The following SAFB variants were observed in gnomAD, a reference collection of about 807,000 sequenced individuals.
SAFB encodes the protein scaffold attachment factor B, also known as scaffold attachment factor B1.
Under a neutral mutation model 101.6 loss-of-function variants are expected in SAFB, and 15 were observed. The observed-to-expected ratio is 0.15, with a 90% CI of 0.10 to 0.23. The LOEUF is 0.23. Among genes scored for constraint, SAFB ranks in the 10% least tolerant of loss-of-function variants. The pLI, the probability that SAFB is intolerant of heterozygous loss-of-function variation, is 1.00. For synonymous variants in SAFB, 449 were observed against 407.5 expected, an observed-to-expected ratio of 1.10 and a Z score of -1.23; for missense variants, 930 against 1,104.1, an observed-to-expected ratio of 0.84 and a Z score of 2.23.
intron 1 of SAFB, among the ~76,000 whole-genome samples, chr19:5,624,638 A>T (rs1216219981): frequency 6.6e-6 from 1 of 150,762 alleles, no homozygotes; most frequent in East Asian, 2.0e-4. Context: ...CTCCGGAACT[A>T]CGGAGATCAC....
intron 2 of SAFB, among the ~76,000 whole-genome samples, chr19:5,639,924 AC>A: frequency 6.6e-6 from 1 of 151,416 alleles, no homozygotes; most frequent in Non-Finnish European, 1.5e-5. Context: ...CGCAACCTCC[AC>A]CCCCTGGGTT....
intron 14 of SAFB, among the ~76,000 whole-genome samples, chr19:5,660,704 CAA>C (rs60011056): frequency 0.51 from 38,468 of 75,502 alleles, 7,960 homozygotes; most frequent in Middle Eastern, 0.63. Flanking sequence ...CCATCTCTAC[CAA>C]AAAAAAAAAA....
Position 5,623,412 on chromosome 19 carries a change from AG to A in SAFB, c.189+21del, listed in dbSNP as rs1312708096. ...TGAAGAAGGTGGATTTGGGGCCCCG[AG>A]GGCGGGCACAGGGTGGGTCTGGGGT... is the stretch of plus-strand genomic sequence containing the variant. On this transcript the variant is annotated intron_variant, in intron 1 of 20. Coordinates refer to ENST00000588852, the MANE Select transcript of SAFB (RefSeq NM_001201338.2). 1.2e-6 allele frequency: 2 copies of A among 1,609,088 alleles called. No individual in the cohort carries two copies. The highest frequency in any genetic ancestry group is 1.7e-6 in the Non-Finnish European group (2 of 1,176,160).
At position 5,667,280 on chromosome 19, in the gene SAFB, C is replaced by T. The variant is rs559346961; in HGVS notation, c.2454-67C>T. ...ACAGAGGGATTCACTCTCCAGAAGC[C>T]GCCACAGTTATTAGCACAAGAGCCA... On this transcript the variant is annotated intron_variant, in intron 18 of 20. Coordinates refer to ENST00000588852, the MANE Select transcript of SAFB (RefSeq NM_001201338.2). The surrounding 1 kb of genome is among the most constrained non-coding windows in gnomAD (Gnocchi z 4.0). 633 of 1,332,520 alleles carry T rather than the reference C, an allele frequency of 4.8e-4. 5 individuals are homozygous for T. Among genetic ancestry groups the T allele is most frequent in the South Asian group, 2.6e-3 (177 of 67,150 alleles). The allele number at this position is 1,332,520 out of a possible 1,614,324, so 82.5% of individuals were successfully genotyped here.
intron 7 of SAFB, 92 bp from the exon 8 acceptor site, chr19:5,649,834 G>T (rs1270790052): frequency 1.8e-6 from 2 of 1,129,928 alleles, no homozygotes; most frequent in Non-Finnish European, 1.3e-6. Flanking sequence ...TAAATTTCGG[G>T]TAGGTATGCA....
chr19:5,636,964 C>T (rs906572130), intron 2 of SAFB, among the ~76,000 whole-genome samples: 2 of 151,746 alleles, frequency 1.3e-5, no homozygotes, highest in Admixed American at 6.6e-5. Context: ...CCACCTCGGC[C>T]TCCCAAAGTG....
chr19:5,634,165 A>G (rs2053548194), intron 2 of SAFB, among the ~76,000 whole-genome samples: 2 of 152,126 alleles, frequency 1.3e-5, no homozygotes, highest in African/African-American at 4.8e-5. Flanking sequence ...CTAATTAGAG[A>G]AAAATTTCCT....
Position 5,653,253 on chromosome 19 carries a change from T to A in SAFB, c.1432T>A (p.Ser478Thr). Residue 478 changes from serine (S) to threonine (T), a missense_variant, in exon 10 of 21, where the codon TCC (serine) becomes ACC (threonine). Transcript: ENST00000588852. ...GACGGAGCTCCACGGAAAGATGATC[T>A]CCGTGGAGAAAGTGAGTGGCCGTTT... ...HKTELHGKMI[S>T]VEKAKNEPVG... 1 of 1,614,096 alleles carries A rather than the reference T, an allele frequency of 6.2e-7. No homozygotes were observed.
intron 2 of SAFB, among the ~76,000 whole-genome samples, chr19:5,628,983 G>A (rs553716435): frequency 6.6e-6 from 1 of 152,148 alleles, no homozygotes; most frequent in African/African-American, 2.4e-5. Flanking sequence ...CTCAGATGGA[G>A]GGTAGTCGCG....
At chr19:5,625,866 C>T (rs1461440296) in intron 1 of SAFB, among the ~76,000 whole-genome samples, 1 of 152,118 alleles carries the variant, frequency 6.6e-6, no homozygotes, top group Non-Finnish European at 1.5e-5. Flanking sequence ...TGACGGGTCT[C>T]GTGCGTAACA....
At chr19:5,646,176 T>C (rs964540870) in intron 5 of SAFB, among the ~76,000 whole-genome samples, 3 of 152,192 alleles carry the variant, frequency 2.0e-5, no homozygotes, top group African/African-American at 7.2e-5. Context: ...CCTTTTTATT[T>C]ATTTATTTTT....
chr19:5,629,314 C>T (rs2053437961), intron 2 of SAFB, among the ~76,000 whole-genome samples: 1 of 151,976 alleles, frequency 6.6e-6, no homozygotes, highest in African/African-American at 2.4e-5. Flanking sequence ...ACCTGTAGTC[C>T]CAGCTACTAG....
chr19:5,659,016 G>A (rs557913306), intron 14 of SAFB, among the ~76,000 whole-genome samples: 6 of 152,018 alleles, frequency 3.9e-5, no homozygotes, highest in African/African-American at 1.4e-4. Flanking sequence ...ATGGTGGTGC[G>A]TGCCTGTAAT....
chr19:5,646,660 A>G (rs2053833959), intron 5 of SAFB, among the ~76,000 whole-genome samples: 1 of 152,224 alleles, frequency 6.6e-6, no homozygotes, highest in Non-Finnish European at 1.5e-5. Context: ...AAGCATGAGG[A>G]AAGTGTACAG....
chr19:5,664,625 G>A, intron 17 of SAFB, 186 bp downstream of exon 17: 1 of 574,840 alleles, frequency 1.7e-6, no homozygotes, highest in South Asian at 1.9e-5. Context: ...AGTCTTGGCT[G>A]TCAGTCCAAA....
chr19:5,659,628 G>T (rs970287721), intron 14 of SAFB, among the ~76,000 whole-genome samples: 1 of 151,432 alleles, frequency 6.6e-6, no homozygotes, highest in Admixed American at 6.6e-5. Context: ...TGATCCACCC[G>T]CATCGGCCTC....
intron 5 of SAFB, 54 bp downstream of exon 5, chr19:5,645,453 C>A: frequency 1.2e-6 from 1 of 854,008 alleles, no homozygotes; most frequent in Non-Finnish European, 2.0e-6. Flanking sequence ...ACCACAATTT[C>A]TGGAATCCAT....
At chr19:5,628,879 G>A (rs1230240399) in intron 2 of SAFB, among the ~76,000 whole-genome samples, 2 of 152,028 alleles carry the variant, frequency 1.3e-5, no homozygotes, top group Non-Finnish European at 2.9e-5. Context: ...CTCCTTTTTT[G>A]TTTTCCTTTT....
At chr19:5,638,836 C>T (rs1188153454) in intron 2 of SAFB, among the ~76,000 whole-genome samples, 2 of 151,592 alleles carry the variant, frequency 1.3e-5, no homozygotes, top group Non-Finnish European at 2.9e-5. Flanking sequence ...ATTCTCCTGC[C>T]TCATCCTCCC....
Sources: gnomAD v4.1 joint callset for allele counts (sites outside exome capture counted in the v4.1 genomes callset) on GRCh38, gnomAD v4.1.1 for gene constraint, Gnocchi (gnomAD v3.1) non-coding constraint, MANE v1.5 for transcripts, NCBI Gene and HGNC (gene_info 2026-07-23, HGNC 2026-07-21) for gene names.